Variants in RPSA2 observed in about 807,000 individuals in gnomAD.
The protein encoded by RPSA2 is ribosomal protein SA 2.
the RPSA2 span, among the ~76,000 whole-genome samples, chr19:23,867,990 T>C: frequency 1.3e-5 from 2 of 152,180 alleles, no homozygotes; most frequent in Non-Finnish European, 2.9e-5. Flanking sequence ...CAACTTCATC[T>C]GTTGGTGAAA....
At chr19:23,841,518 A>C in the RPSA2 span, among the ~76,000 whole-genome samples, 1 of 152,306 alleles carries the variant, frequency 6.6e-6, no homozygotes, top group East Asian at 1.9e-4. Flanking sequence ...AAACTTTCTG[A>C]CTAATGTGCA....
the RPSA2 span, among the ~76,000 whole-genome samples, chr19:23,783,927 G>GT: frequency 1.3e-5 from 2 of 152,132 alleles, no homozygotes; most frequent in Non-Finnish European, 2.9e-5. Context: ...GGAGAGGATT[G>GT]TAACATCTCT....
the RPSA2 span, among the ~76,000 whole-genome samples, chr19:23,849,184 C>G: frequency 1.3e-5 from 2 of 152,156 alleles, no homozygotes; most frequent in African/African-American, 4.8e-5. Flanking sequence ...AGGCTTAACA[C>G]AACTCTGTAT....
At chr19:23,850,047 C>A in the RPSA2 span, among the ~76,000 whole-genome samples, 1 of 152,052 alleles carries the variant, frequency 6.6e-6, no homozygotes, top group Non-Finnish European at 1.5e-5. Context: ...AGGTGCATGT[C>A]TGAGGCACAG....
At chr19:23,798,993 T>TAG in the RPSA2 span, 2 of 152,192 alleles carry the variant, frequency 1.3e-5, no homozygotes, top group Admixed American at 6.5e-5. Context: ...GCTAGAAAAT[T>TAG]AGAGAGCAGC....
the RPSA2 span, among the ~76,000 whole-genome samples, chr19:23,810,251 G>A: frequency 7.9e-5 from 12 of 151,910 alleles, no homozygotes; most frequent in Non-Finnish European, 1.3e-4. Flanking sequence ...AAAATTAGCC[G>A]GGCGTGGTGG....
chr19:23,826,862 T>A, the RPSA2 span, among the ~76,000 whole-genome samples: 2 of 103,470 alleles, frequency 1.9e-5, no homozygotes, highest in African/African-American at 7.4e-5. Context: ...ATTTTTGTAT[T>A]TTTTTTTTCA....
the RPSA2 span, among the ~76,000 whole-genome samples, chr19:23,847,746 G>A: frequency 2.6e-5 from 4 of 152,124 alleles, no homozygotes; most frequent in Admixed American, 6.5e-5. Flanking sequence ...AGACCAGGGC[G>A]TATCTCAGTA....
the RPSA2 span, among the ~76,000 whole-genome samples, chr19:23,862,663 A>T: frequency 6.6e-6 from 1 of 151,968 alleles, no homozygotes; most frequent in Non-Finnish European, 1.5e-5. Context: ...GGTTCTGTTT[A>T]TATGCTGGGT....
At chr19:23,837,711 G>A in the RPSA2 span, among the ~76,000 whole-genome samples, 1 of 151,862 alleles carries the variant, frequency 6.6e-6, no homozygotes, top group South Asian at 2.1e-4. Flanking sequence ...ATTTTTTTCA[G>A]CTATTGTAAA....
At chr19:23,758,882 A>G in the RPSA2 span, 24 of 1,291,150 alleles carry the variant, frequency 1.9e-5, no homozygotes, top group Non-Finnish European at 2.4e-5. Context: ...CTCGGGCTGA[A>G]GGGAGAGACA....
At chr19:23,840,925 G>A in the RPSA2 span, among the ~76,000 whole-genome samples, 1 of 142,878 alleles carries the variant, frequency 7.0e-6, no homozygotes, top group Admixed American at 7.2e-5. Context: ...TTGCACCATT[G>A]CACTCCAGCC....
the RPSA2 span, among the ~76,000 whole-genome samples, chr19:23,824,258 G>A: frequency 6.6e-6 from 1 of 152,214 alleles, no homozygotes; most frequent in Non-Finnish European, 1.5e-5. Flanking sequence ...CCTTGCAGCT[G>A]CATTGGGAGG....
the RPSA2 span, chr19:23,782,485 A>G: frequency 2.6e-5 from 4 of 152,146 alleles, no homozygotes; most frequent in South Asian, 4.1e-4. Flanking sequence ...AATCTCTCCT[A>G]TAGACCAAGC....
At chr19:23,823,711 G>A in the RPSA2 span, 7 of 152,292 alleles carry the variant, frequency 4.6e-5, no homozygotes, top group East Asian at 1.9e-4. Context: ...CTTATGGGAC[G>A]GTTCCTGCCT....
chr19:23,838,064 A>T, the RPSA2 span, among the ~76,000 whole-genome samples: 1 of 152,114 alleles, frequency 6.6e-6, no homozygotes, highest in African/African-American at 2.4e-5. Flanking sequence ...ATTCACTATT[A>T]TGTTGGTTGT....
the RPSA2 span, among the ~76,000 whole-genome samples, chr19:23,840,429 T>G: frequency 6.6e-6 from 1 of 152,122 alleles, no homozygotes; most frequent in African/African-American, 2.4e-5. Context: ...TATAAAACAT[T>G]CTTATTGGGG....
chr19:23,783,413 A>AT, the RPSA2 span, among the ~76,000 whole-genome samples: 2 of 151,904 alleles, frequency 1.3e-5, no homozygotes, highest in Non-Finnish European at 2.9e-5. Flanking sequence ...TTATTTCAAC[A>AT]TATCTCTGGG....
chr19:23,864,742 T>G, the RPSA2 span, among the ~76,000 whole-genome samples: 5 of 152,224 alleles, frequency 3.3e-5, no homozygotes, highest in Non-Finnish European at 7.3e-5. Context: ...TGCACGCATA[T>G]GCTTAGGTCA....
Sources: allele counts gnomAD v4.1 joint callset (sites outside exome capture counted in the v4.1 genomes callset), GRCh38; gene constraint gnomAD v4.1.1; transcripts MANE v1.5; gene names NCBI Gene and HGNC (gene_info 2026-07-23, HGNC 2026-07-21).